Variants in MAGI1 observed in about 807,000 individuals in gnomAD.
MAGI1 encodes membrane associated guanylate kinase, WW and PDZ domain containing 1, also known as membrane-associated guanylate kinase, WW and PDZ domain-containing protein 1.
Under a neutral mutation model 139.9 loss-of-function variants are expected in MAGI1, and 58 were observed. The observed-to-expected ratio is 0.41, with a 90% CI of 0.34 to 0.52. MAGI1 has a LOEUF of 0.52. Ranked by LOEUF, MAGI1 falls within the 20% of genes least tolerant of loss-of-function variation. The pLI, the probability that MAGI1 is intolerant of heterozygous loss-of-function variation, is 0.12. For missense variants in MAGI1, 1,874 were observed against 1,901.6 expected, an observed-to-expected ratio of 0.99 and a Z score of 0.27; for synonymous variants, 812 against 737.9, an observed-to-expected ratio of 1.10 and a Z score of -1.63.
intron 1 of MAGI1, among the ~76,000 whole-genome samples, chr3:65,692,562 C>T (rs771847624): frequency 6.6e-6 from 1 of 152,152 alleles, no homozygotes; most frequent in South Asian, 2.1e-4. Flanking sequence ...ATCATCATCA[C>T]CATCCCCATT....
intron 22 of MAGI1, chr3:65,359,170 C>G: frequency 6.2e-7 from 1 of 1,611,886 alleles, no homozygotes. Context: ...AGGGAGGGCC[C>G]AGCACCAAGA....
intron 1 of MAGI1, among the ~76,000 whole-genome samples, chr3:65,858,557 G>A (rs980820527): frequency 1.9e-4 from 29 of 152,318 alleles, no homozygotes; most frequent in African/African-American, 6.7e-4. Flanking sequence ...CTTCCCAGAA[G>A]GAAATGAAGA....
intron 2 of MAGI1, among the ~76,000 whole-genome samples, chr3:65,567,396 G>A (rs1212067502): frequency 2.0e-5 from 3 of 152,040 alleles, no homozygotes; most frequent in Admixed American, 6.6e-5. Flanking sequence ...CACAGGCAAG[G>A]CTGATGGATA....
chr3:65,490,858 G>A (rs1969446), intron 3 of MAGI1, among the ~76,000 whole-genome samples: 125,272 of 128,158 alleles, frequency 0.98, 61,347 homozygotes, highest in South Asian at 1. Context: ...AAAAAAAAAA[G>A]AAAAAAGAAA....
chr3:65,846,999 C>CTAAGCACATTTG (rs2059028522), intron 1 of MAGI1, among the ~76,000 whole-genome samples: 1 of 91,246 alleles, frequency 1.1e-5, no homozygotes, highest in Non-Finnish European at 2.0e-5. Flanking sequence ...AAAAAAAACC[C>CTAAGCACATTTG]TAAGCACATT....
At chr3:65,546,326 C>T (rs917588158) in intron 2 of MAGI1, among the ~76,000 whole-genome samples, 5 of 152,252 alleles carry the variant, frequency 3.3e-5, no homozygotes, top group South Asian at 2.1e-4. Flanking sequence ...ATAAACAATA[C>T]GTCATTATTT....
At chr3:65,937,723 G>A (rs1337596248) in intron 1 of MAGI1, among the ~76,000 whole-genome samples, 1 of 151,614 alleles carries the variant, frequency 6.6e-6, no homozygotes, top group Non-Finnish European at 1.5e-5. Flanking sequence ...ATTAACTTCT[G>A]ACAAGCAGAA....
chr3:66,026,087 C>T (rs1234913587), intron 1 of MAGI1, among the ~76,000 whole-genome samples: 1 of 151,548 alleles, frequency 6.6e-6, no homozygotes, highest in African/African-American at 2.4e-5. Flanking sequence ...TTAACTAACT[C>T]ACACAGACTT....
chr3:65,737,202 A>C (rs957310808), intron 1 of MAGI1, among the ~76,000 whole-genome samples: 1 of 152,124 alleles, frequency 6.6e-6, no homozygotes, highest in East Asian at 1.9e-4. Flanking sequence ...ACGGGGTTTC[A>C]CCGTGTTATA....
At chr3:65,700,274 T>A (rs1286207140) in intron 1 of MAGI1, among the ~76,000 whole-genome samples, 1 of 152,036 alleles carries the variant, frequency 6.6e-6, no homozygotes, top group Non-Finnish European at 1.5e-5. Flanking sequence ...AAATCCGGCC[T>A]CTACTAAAAA....
chr3:65,434,430 A>G (rs962559796), intron 10 of MAGI1, among the ~76,000 whole-genome samples: 1 of 152,182 alleles, frequency 6.6e-6, no homozygotes, highest in Non-Finnish European at 1.5e-5. Context: ...TTGAAGCTGG[A>G]GAGTTTTCAT....
intron 18 of MAGI1, among the ~76,000 whole-genome samples, chr3:65,368,182 C>A (rs941436010): frequency 2.0e-5 from 3 of 152,076 alleles, no homozygotes; most frequent in Non-Finnish European, 4.4e-5. Flanking sequence ...AAAAGAAGGG[C>A]CTGAAACAAG....
chr3:65,494,046 C>T (rs1952245936), intron 2 of MAGI1, among the ~76,000 whole-genome samples: 1 of 152,162 alleles, frequency 6.6e-6, no homozygotes, highest in South Asian at 2.1e-4. Context: ...TTATCACAGG[C>T]CTTGAGATTC....
intron 1 of MAGI1, among the ~76,000 whole-genome samples, chr3:66,007,364 T>G (rs1274717084): frequency 6.6e-6 from 1 of 152,168 alleles, no homozygotes; most frequent in Non-Finnish European, 1.5e-5. Context: ...AGAATCAAGT[T>G]GTAAACAGAA....
At chr3:65,718,437 G>C (rs1209280077) in intron 1 of MAGI1, 1 of 152,128 alleles carries the variant, frequency 6.6e-6, no homozygotes, top group African/African-American at 2.4e-5. Flanking sequence ...AAATGACCTC[G>C]TGCCCCAGTG....
chr3:65,381,002 T>G (rs552283768), intron 16 of MAGI1, among the ~76,000 whole-genome samples: 47 of 152,174 alleles, frequency 3.1e-4, no homozygotes, highest in Non-Finnish European at 5.9e-4. Flanking sequence ...CCAAGAGAAT[T>G]CATAATATTT....
chr3:65,710,954 A>G (rs1005993571), intron 1 of MAGI1, among the ~76,000 whole-genome samples: 1 of 152,162 alleles, frequency 6.6e-6, no homozygotes, highest in African/African-American at 2.4e-5. Context: ...CCCTAAATAT[A>G]GACCTTCAAC....
At chr3:65,399,794 C>G (rs897637216) in intron 13 of MAGI1, among the ~76,000 whole-genome samples, 3 of 152,152 alleles carry the variant, frequency 2.0e-5, no homozygotes, top group African/African-American at 2.4e-5. Context: ...CAGGTAATTC[C>G]AAAACACTTG....
At chr3:65,767,845 G>A (rs1389728271) in intron 1 of MAGI1, among the ~76,000 whole-genome samples, 1 of 152,182 alleles carries the variant, frequency 6.6e-6, no homozygotes, top group Non-Finnish European at 1.5e-5. Flanking sequence ...ACCCTTACAG[G>A]AAAAGCAATC....
Sources: gnomAD v4.1 joint callset for allele counts (sites outside exome capture counted in the v4.1 genomes callset) on GRCh38, gnomAD v4.1.1 for gene constraint, MANE v1.5 for transcripts, NCBI Gene and HGNC (gene_info 2026-07-23, HGNC 2026-07-21) for gene names.